The following CNTN6 variants were observed in gnomAD, a reference collection of about 807,000 sequenced individuals.
CNTN6 encodes contactin 6, also known as contactin-6.
Under a neutral mutation model 122.8 loss-of-function variants are expected in CNTN6, and 137 were observed. The ratio of observed to expected loss-of-function variants is 1.12; its 90% confidence interval spans 0.97 to 1.29. CNTN6 has a LOEUF of 1.29. CNTN6 is among the 50% of genes most tolerant of loss of function. The probability of loss-of-function intolerance (pLI) is 0.00; values close to 1 mark genes in which losing one functional copy is unlikely to be tolerated. For missense variants in CNTN6, 1,634 were observed against 1,223.4 expected, an observed-to-expected ratio of 1.34 and a Z score of -5.01; for synonymous variants, 570 against 426.0, an observed-to-expected ratio of 1.34 and a Z score of -4.16.
chr3:1,390,875 A>G (rs1487694830), intron 20 of CNTN6, among the ~76,000 whole-genome samples: 1 of 151,186 alleles, frequency 6.6e-6, no homozygotes, highest in African/African-American at 2.4e-5. Flanking sequence ...GAATCTCTGA[A>G]TAGACCAATA....
chr3:1,333,972 A>G (rs968730502), intron 11 of CNTN6, among the ~76,000 whole-genome samples: 3 of 152,142 alleles, frequency 2.0e-5, no homozygotes, highest in Admixed American at 2.0e-4. Context: ...GATAATTCAG[A>G]TTAAGTTACA....
chr3:1,392,248 G>A (rs1466001898), intron 20 of CNTN6, among the ~76,000 whole-genome samples: 8 of 152,078 alleles, frequency 5.3e-5, no homozygotes, highest in Non-Finnish European at 8.8e-5. Flanking sequence ...CAGAAATAAC[G>A]CCGCATATCT....
At chr3:1,392,310 A>G (rs1694277050) in intron 20 of CNTN6, among the ~76,000 whole-genome samples, 1 of 152,106 alleles carries the variant, frequency 6.6e-6, no homozygotes, top group Admixed American at 6.5e-5. Flanking sequence ...TGGGGAAAGG[A>G]TTCCCTATTT....
intron 1 of CNTN6, chr3:1,128,478 T>C (rs1164333585): frequency 6.6e-6 from 1 of 151,940 alleles, no homozygotes; most frequent in Non-Finnish European, 1.5e-5. Flanking sequence ...ACTCCACAAT[T>C]TGTCAAAGAG....
At chr3:1,093,756 G>C (rs966379622) in intron 1 of CNTN6, among the ~76,000 whole-genome samples, 5 of 152,096 alleles carry the variant, frequency 3.3e-5, no homozygotes, top group Non-Finnish European at 1.5e-5. Flanking sequence ...TAAGTTGTCA[G>C]TATTAAGGTT....
At chr3:1,387,128 A>ATCTC (rs1693131875) in intron 20 of CNTN6, among the ~76,000 whole-genome samples, 1 of 152,174 alleles carries the variant, frequency 6.6e-6, no homozygotes, top group African/African-American at 2.4e-5. Context: ...AATAGAAATT[A>ATCTC]TCTCTGTCCT....
chr3:1,325,937 C>A lies in CNTN6; in HGVS notation c.1069C>A (p.Arg357=), dbSNP rs749841767. Residue 357 remains arginine, a synonymous_variant, in exon 9 of 23, where the codon CGA becomes AGA. Transcript: ENST00000446702. ...PWYTWLKNGE[R]LNPEERIQIE... ...GTATACATGGTTAAAAAATGGTGAA[C>A]GACTCAACCCAGAGGTAAGCAACTA... 6.2e-7 allele frequency: 1 copy of A among 1,610,646 alleles called. No homozygotes were observed. The highest frequency in any genetic ancestry group is 8.5e-7 in the Non-Finnish European group (1 of 1,178,150).
intron 4 of CNTN6, among the ~76,000 whole-genome samples, chr3:1,245,329 T>TAG (rs1559598378): frequency 3.8e-5 from 3 of 79,348 alleles, no homozygotes; most frequent in African/African-American, 1.5e-4. Flanking sequence ...TATATATATA[T>TAG]ATATATAGCA....
At chr3:1,242,896 C>T (rs931836069) in intron 4 of CNTN6, among the ~76,000 whole-genome samples, 25 of 152,022 alleles carry the variant, frequency 1.6e-4, no homozygotes, top group Non-Finnish European at 1.0e-4. Flanking sequence ...CGTCAATACC[C>T]ACAACAGTTA....
Position 1,245,231 on chromosome 3 carries a change from T to TAA in CNTN6, c.358+17239_358+17240insAA, listed in dbSNP as rs2094550446. ...ATATATATATATATATATATATATA[T>TAA]ATATACACACACACATATATATATA... On this transcript the variant is annotated intron_variant, in intron 4 of 22. Coordinates refer to ENST00000446702, the MANE Select transcript of CNTN6 (RefSeq NM_001289080.2). 2.0e-4 allele frequency among the ~76,000 whole-genome samples: 2 copies of TAA among 10,232 alleles called. 1 individual carries two copies. Among genetic ancestry groups the TAA allele is most frequent in the African/African-American group, 8.3e-4 (2 of 2,404 alleles). 6.7% of individuals were successfully genotyped at this position (10,232 alleles called of 152,430 possible). A position where few individuals can be genotyped will look rare whatever the true frequency, so the allele number is the denominator to read the frequency against.
intron 12 of CNTN6, among the ~76,000 whole-genome samples, chr3:1,364,922 A>T (rs1267671411): frequency 1.3e-5 from 2 of 151,974 alleles, no homozygotes; most frequent in Admixed American, 6.6e-5. Context: ...TGAAAATGGT[A>T]AATATTAAAA....
At chr3:1,185,765 C>A (rs910279374) in intron 2 of CNTN6, among the ~76,000 whole-genome samples, 10 of 152,048 alleles carry the variant, frequency 6.6e-5, no homozygotes, top group Non-Finnish European at 1.2e-4. Context: ...ATTATTTAAT[C>A]CCTGTACCTC....
At chr3:1,345,497 G>A (rs1464708829) in intron 11 of CNTN6, among the ~76,000 whole-genome samples, 2 of 152,128 alleles carry the variant, frequency 1.3e-5, no homozygotes, top group Non-Finnish European at 1.5e-5. Flanking sequence ...AGCAAACTTT[G>A]TAATTTACTT....
intron 4 of CNTN6, among the ~76,000 whole-genome samples, chr3:1,242,753 G>T (rs2094503230): frequency 6.6e-6 from 1 of 152,126 alleles, no homozygotes; most frequent in Non-Finnish European, 1.5e-5. Flanking sequence ...CAGGGAAGCA[G>T]ATAATTTGGT....
In CNTN6 at chr3:1,102,852, A is replaced by T. The variant is rs576885990; in HGVS notation, c.-83+9732A>T. Among the ~76,000 whole-genome samples, 44 of 150,060 alleles carry T rather than the reference A, an allele frequency of 2.9e-4. 1 individual carries two copies. The highest frequency in any genetic ancestry group is 6.2e-4 in the Non-Finnish European group (42 of 67,222). On this transcript the variant is annotated intron_variant, in intron 1 of 22. Coordinates refer to ENST00000446702, the MANE Select transcript of CNTN6 (RefSeq NM_001289080.2). ...GCCGGGAGCTGTGGCTCACGCCTGT[A>T]ATCCCAGCACTTTTGGAGGCCGAGG...
At position 1,377,326 on chromosome 3, in the gene CNTN6, T is replaced by G. The variant is rs155856; in HGVS notation, c.2166+251T>G. 0.78 allele frequency among the ~76,000 whole-genome samples: 118,035 copies of G among 152,004 alleles called. 46,413 individuals carry two copies. The highest frequency in any genetic ancestry group is 0.91 in the African/African-American group (37,826 of 41,524). ...ACAACTTCAGTATCTATTGAGCGTG[T>G]GTCAGTAGCATTTTCGTTATCGCTT... On this transcript the variant is annotated intron_variant, in intron 17 of 22. Coordinates refer to ENST00000446702, the MANE Select transcript of CNTN6 (RefSeq NM_001289080.2).
intron 1 of CNTN6, among the ~76,000 whole-genome samples, chr3:1,121,170 T>G (rs2091934746): frequency 6.6e-6 from 1 of 152,008 alleles, no homozygotes; most frequent in Admixed American, 6.6e-5. Flanking sequence ...TTCCTTTTTC[T>G]GTGTCTTCAT....
At chr3:1,306,980 T>C (rs905053983) in intron 7 of CNTN6, among the ~76,000 whole-genome samples, 1 of 152,218 alleles carries the variant, frequency 6.6e-6, no homozygotes, top group Non-Finnish European at 1.5e-5. Context: ...AGCAAATATG[T>C]ATTGAATACC....
At chr3:1,208,937 T>C (rs2093995302) in intron 2 of CNTN6, among the ~76,000 whole-genome samples, 1 of 152,170 alleles carries the variant, frequency 6.6e-6, no homozygotes, top group South Asian at 2.1e-4. Flanking sequence ...GAGTTAGAGC[T>C]AATAAAAGTT....
Sources: allele counts gnomAD v4.1 joint callset (sites outside exome capture counted in the v4.1 genomes callset), GRCh38; gene constraint gnomAD v4.1.1; transcripts MANE v1.5; gene names NCBI Gene and HGNC (gene_info 2026-07-23, HGNC 2026-07-21).